PPP4R1: variants seen among roughly 807,000 people sequenced by gnomAD.
PPP4R1 encodes protein phosphatase 4 regulatory subunit 1.
A neutral mutation model predicts 111.2 loss-of-function variants in PPP4R1; 42 were observed. The ratio of observed to expected loss-of-function variants is 0.38; its 90% confidence interval spans 0.29 to 0.49. PPP4R1 has a LOEUF of 0.49. Among genes scored for constraint, PPP4R1 ranks in the 20% least tolerant of loss-of-function variants. The pLI is 0.97. For missense variants in PPP4R1, 1,012 were observed against 1,161.6 expected, an observed-to-expected ratio of 0.87 and a Z score of 1.87; for synonymous variants, 409 against 405.5, an observed-to-expected ratio of 1.01 and a Z score of -0.10.
chr18:9,549,175 T>A, intron 19 of PPP4R1, 22 bp downstream of exon 19: 1 of 1,605,066 alleles, frequency 6.2e-7, no homozygotes. Context: ...CACACGCTTC[T>A]TCTAGTGGAG....
At chr18:9,596,602 T>G (rs2067293799) in intron 2 of PPP4R1, among the ~76,000 whole-genome samples, 1 of 115,644 alleles carries the variant, frequency 8.6e-6, no homozygotes, top group Non-Finnish European at 1.8e-5. Flanking sequence ...GATTTTGTCG[T>G]TGCTCCTTTA....
In PPP4R1 at chr18:9,594,787, T is replaced by A. The variant is rs1239127068; in HGVS notation, c.188+231A>T. On this transcript the variant is annotated intron_variant, in intron 3 of 19. Transcript: ENST00000400556. ...ATTATGTCCAGTGGCAGAAAAGCAA[T>A]GGTAATTAATGGTAATTTTTTTTTT... The A allele has an allele frequency of 1.7e-5, 7 of 411,936 alleles. No individual in the cohort carries two copies. In the East Asian group the frequency reaches 2.8e-4, roughly 16 times the overall value. 25.5% of individuals were successfully genotyped at this position (411,936 alleles called of 1,614,324 possible).
intron 9 of PPP4R1, among the ~76,000 whole-genome samples, chr18:9,577,544 G>A (rs1049636449): frequency 2.0e-5 from 3 of 152,054 alleles, no homozygotes; most frequent in Non-Finnish European, 4.4e-5. Context: ...GCATGCCTGT[G>A]GTCCCAGCTA....
chr18:9,572,680 A>G (rs2066880327), intron 10 of PPP4R1, among the ~76,000 whole-genome samples: 1 of 152,246 alleles, frequency 6.6e-6, no homozygotes, highest in Non-Finnish European at 1.5e-5. Context: ...CCACTTAAAC[A>G]GTCACCATCT....
Position 9,553,349 on chromosome 18 carries a change from T to C in PPP4R1, c.2264A>G (p.Asn755Ser), listed in dbSNP as rs1304343439. Reference protein sequence around the residue: ...QEFLVTDNSRNWRFRAELAEQ... With the variant: ...QEFLVTDNSRSWRFRAELAEQ... ...AGCCAGTTCAGCTCGAAACCGCCAATTTCTACTATTATCTGTCACCAAAAA... is the reference window on the plus strand; with the variant it reads ...AGCCAGTTCAGCTCGAAACCGCCAACTTCTACTATTATCTGTCACCAAAAA... The change falls in exon 16 of 20, where the codon AAT (asparagine) becomes AGT (serine). Residue 755 changes from asparagine to serine, a missense_variant. This residue lies in a region of PPP4R1 where 305 missense variants were observed against 419.5 expected (regional missense o/e 0.73). Coordinates refer to ENST00000400556, the MANE Select transcript of PPP4R1 (RefSeq NM_001042388.3). 1 of 1,600,122 alleles carries C rather than the reference T, an allele frequency of 6.2e-7. No homozygotes were observed. The highest frequency in any genetic ancestry group is 1.1e-5 in the South Asian group (1 of 90,798).
At chr18:9,575,303 A>G (rs1322975931) in intron 10 of PPP4R1, among the ~76,000 whole-genome samples, 1 of 152,210 alleles carries the variant, frequency 6.6e-6, no homozygotes, top group Middle Eastern at 3.2e-3. Context: ...TGCATAATCA[A>G]TCAATCAATC....
chr18:9,586,785 T>C (rs2067123477), intron 6 of PPP4R1, among the ~76,000 whole-genome samples: 1 of 152,172 alleles, frequency 6.6e-6, no homozygotes, highest in African/African-American at 2.4e-5. Flanking sequence ...CAGACGAATT[T>C]ATCACTTTTC....
At chr18:9,587,861 G>C (rs185976739) in intron 6 of PPP4R1, among the ~76,000 whole-genome samples, 1 of 151,840 alleles carries the variant, frequency 6.6e-6, no homozygotes. Context: ...GACTACAGGC[G>C]CACACCACCA....
intron 9 of PPP4R1, among the ~76,000 whole-genome samples, chr18:9,581,108 G>A (rs967161228): frequency 4.6e-5 from 7 of 151,162 alleles, no homozygotes; most frequent in African/African-American, 1.7e-4. Flanking sequence ...AGGACAACCA[G>A]TATCAAACTA....
intron 2 of PPP4R1, among the ~76,000 whole-genome samples, chr18:9,598,454 A>G (rs904443930): frequency 6.6e-6 from 1 of 152,228 alleles, no homozygotes; most frequent in African/African-American, 2.4e-5. Flanking sequence ...GAGAAAAACA[A>G]AAGAATGATA....
chr18:9,588,787 C>T lies in PPP4R1; in HGVS notation c.362G>A (p.Arg121Gln), dbSNP rs375235634. The T allele has an allele frequency of 2.7e-5, 44 of 1,613,916 alleles. No individual in the cohort carries two copies. Among genetic ancestry groups the T allele is most frequent in the Middle Eastern group, 3.3e-4 (2 of 6,084 alleles). The change falls in exon 5 of 20, where the codon CGG (arginine) becomes CAG (glutamine). Residue 121 changes from arginine to glutamine, a missense_variant. This residue lies in a region of PPP4R1 where 707 missense variants were observed against 742.1 expected (regional missense o/e 0.95). Transcript: ENST00000400556. Reference sequence around the variant, plus strand: ...TGAAAAAGCATATGGTATTGAAGGCCGGTTTTCTTGACAAAACAGTGCGAT... The same window carrying T: ...TGAAAAAGCATATGGTATTGAAGGCTGGTTTTCTTGACAAAACAGTGCGAT... The part of the protein sequence containing the change: ...PHIALFCQEN[R>Q]PSIPYAFSKF...
chr18:9,568,555 A>G (rs1432756582), intron 11 of PPP4R1, among the ~76,000 whole-genome samples: 10 of 152,328 alleles, frequency 6.6e-5, no homozygotes, highest in Non-Finnish European at 1.5e-4. Context: ...TTAGAAAGCA[A>G]TCTATGCATA....
chr18:9,609,858 G>T (rs1375678254), intron 2 of PPP4R1, among the ~76,000 whole-genome samples: 5 of 152,144 alleles, frequency 3.3e-5, no homozygotes, highest in Non-Finnish European at 7.3e-5. Context: ...ATGATATTTA[G>T]AATCAGAAGG....
At chr18:9,572,653 A>G (rs981164912) in intron 10 of PPP4R1, among the ~76,000 whole-genome samples, 1 of 152,236 alleles carries the variant, frequency 6.6e-6, no homozygotes, top group African/African-American at 2.4e-5. Flanking sequence ...GGGTGATGTT[A>G]ATGCCTATGT....
chr18:9,576,838 T>C (rs965319891), intron 10 of PPP4R1, among the ~76,000 whole-genome samples: 20 of 152,222 alleles, frequency 1.3e-4, no homozygotes, highest in Admixed American at 9.2e-4. Context: ...TAGCTAATTG[T>C]GTTACATGCA....
intron 10 of PPP4R1, among the ~76,000 whole-genome samples, chr18:9,576,396 A>G (rs1366401262): frequency 1.3e-5 from 2 of 151,998 alleles, no homozygotes; most frequent in East Asian, 1.9e-4. Context: ...CCCTAAATAT[A>G]TATTATAATA....
intron 2 of PPP4R1, among the ~76,000 whole-genome samples, chr18:9,599,323 A>T (rs1490069725): frequency 6.6e-6 from 1 of 152,222 alleles, no homozygotes; most frequent in Non-Finnish European, 1.5e-5. Context: ...TAAACTCTAA[A>T]GCAATCATTA....
At chr18:9,566,648 G>GAC (rs56772611) in intron 11 of PPP4R1, among the ~76,000 whole-genome samples, 11,710 of 144,030 alleles carry the variant, frequency 0.081, 496 homozygotes, top group Middle Eastern at 0.13. Flanking sequence ...GAGGCGCTGT[G>GAC]ACACACACAC....
At chr18:9,606,910 A>G (rs1452166821) in intron 2 of PPP4R1, among the ~76,000 whole-genome samples, 5 of 152,198 alleles carry the variant, frequency 3.3e-5, no homozygotes, top group Non-Finnish European at 7.3e-5. Flanking sequence ...CTCTTAACGC[A>G]ATTACTTTGG....
Sources: allele counts gnomAD v4.1 joint callset (sites outside exome capture counted in the v4.1 genomes callset), GRCh38; gene constraint gnomAD v4.1.1; regional missense constraint gnomAD v4.1.1; transcripts MANE v1.5; gene names NCBI Gene and HGNC (gene_info 2026-07-23, HGNC 2026-07-21).